The following DDX6 variants were observed in gnomAD, a reference collection of about 807,000 sequenced individuals.
DDX6 encodes the protein probable ATP-dependent RNA helicase DDX6.
A neutral mutation model predicts 60.6 loss-of-function variants in DDX6; 7 were observed. The ratio of observed to expected loss-of-function variants is 0.12; its 90% CI spans 0.07 to 0.22. The LOEUF (loss-of-function observed/expected upper bound fraction) is 0.22, where lower values mean the gene tolerates loss of function less well. DDX6 is among the 10% of genes least tolerant of loss of function. The pLI is 1.00. For missense variants in DDX6, 270 were observed against 589.9 expected, an observed-to-expected ratio of 0.46 and a Z score of 5.62; for synonymous variants, 207 against 201.0, an observed-to-expected ratio of 1.03 and a Z score of -0.25.
intron 4 of DDX6, among the ~76,000 whole-genome samples, chr11:118,775,132 T>C (rs1465204241): frequency 2.0e-5 from 3 of 152,032 alleles, no homozygotes; most frequent in Non-Finnish European, 2.9e-5. Context: ...CTGGACAACA[T>C]GGTGAAACCC....
chr11:118,763,838 T>TAAAAAAAAAAAAA (rs58341763), intron 6 of DDX6, among the ~76,000 whole-genome samples: 2 of 134,374 alleles, frequency 1.5e-5, no homozygotes, highest in Admixed American at 7.6e-5. Flanking sequence ...TGTCTCAAAT[T>TAAAAAAAAAAAAA]AAAAAAAAAA....
At chr11:118,775,740 T>G (rs988091900) in intron 4 of DDX6, among the ~76,000 whole-genome samples, 1 of 152,204 alleles carries the variant, frequency 6.6e-6, no homozygotes, top group Non-Finnish European at 1.5e-5. Flanking sequence ...AAGAGTTAAT[T>G]GCCTATATGC....
At chr11:118,775,160 C>G (rs1302978840) in intron 4 of DDX6, among the ~76,000 whole-genome samples, 1 of 152,034 alleles carries the variant, frequency 6.6e-6, no homozygotes, top group Non-Finnish European at 1.5e-5. Context: ...ACCAGAAATA[C>G]AAAAATCAGC....
Position 118,758,653 on chromosome 11 carries a change from C to T in DDX6, c.993+121G>A, listed in dbSNP as rs1399056506. On this transcript the variant is annotated intron_variant, in intron 9 of 13. Coordinates refer to ENST00000534980, the MANE Select transcript of DDX6 (RefSeq NM_004397.6). ...CCAAAGTGCTGGGAGGCATGAGCCA[C>T]CGTGCCAAGCCAGAAACACTACGAA... is the stretch of plus-strand genomic sequence containing the variant. 2.4e-6 allele frequency: 3 copies of T among 1,230,324 alleles called. No homozygotes were observed. The Admixed American group carries it at 8.2e-5, about 34-fold the overall frequency. The allele number at this position is 1,230,324 out of a possible 1,614,324, so 76.2% of individuals were successfully genotyped here.
chr11:118,756,029 C>CCCCCA (rs1491121650), intron 11 of DDX6, among the ~76,000 whole-genome samples: 3 of 94,986 alleles, frequency 3.2e-5, no homozygotes, highest in Non-Finnish European at 4.3e-5. Context: ...CCCCCCCCCC[C>CCCCCA]AAAAAAAAGA....
At chr11:118,754,014 C>T (rs1161354066) in intron 13 of DDX6, among the ~76,000 whole-genome samples, 7 of 152,122 alleles carry the variant, frequency 4.6e-5, no homozygotes, top group African/African-American at 1.7e-4. Flanking sequence ...ACCAGAATCG[C>T]TTGAACCTGG....
Position 118,749,011 on chromosome 11 carries a change from C to A in DDX6, c.*3094G>T, listed in dbSNP as rs781981494. The A allele has an allele frequency of 2.6e-5, 4 of 152,100 alleles. No homozygotes were observed. The highest frequency in any genetic ancestry group is 5.9e-5 in the Non-Finnish European group (4 of 68,018). The allele number at this position is 152,100 out of a possible 1,614,324, so 9.4% of individuals were successfully genotyped here. ...CAATTTAGAGGTATATTTAGGTTTC[C>A]CTCTCTCTTACTTCTGTGAAAGATC... On this transcript the variant is annotated 3_prime_UTR_variant, in exon 14 of 14. Transcript: ENST00000534980.
intron 4 of DDX6, among the ~76,000 whole-genome samples, chr11:118,772,971 A>G (rs1402501043): frequency 2.6e-5 from 4 of 152,196 alleles, no homozygotes; most frequent in Non-Finnish European, 5.9e-5. Flanking sequence ...TAGTGCATCC[A>G]TTACAGCTTC....
chr11:118,751,984 CTTT>C lies in DDX6; in HGVS notation c.*118_*120del, dbSNP rs3832783. 4,117 of 362,038 alleles carry C rather than the reference CTTT, an allele frequency of 0.011. 206 individuals carry two copies. In the East Asian group the frequency reaches 0.14, roughly 12 times the overall value. The allele number at this position is 362,038 out of a possible 1,614,324, so 22.4% of individuals were successfully genotyped here. A position where few individuals can be genotyped will look rare whatever the true frequency, so the allele number is the denominator to read the frequency against. ...GTTAAAAAAAGAAAATGTCTGAGCT[CTTT>C]TAAGTCTTCATAGTTCCAAAATAAA... is the stretch of plus-strand genomic sequence containing the variant. On this transcript the variant is annotated 3_prime_UTR_variant, in exon 14 of 14. Coordinates refer to ENST00000534980, the MANE Select transcript of DDX6 (RefSeq NM_004397.6).
chr11:118,774,830 A>G (rs984964954), intron 4 of DDX6, among the ~76,000 whole-genome samples: 14 of 152,124 alleles, frequency 9.2e-5, no homozygotes, highest in African/African-American at 1.9e-4. Context: ...TATTTAGGGG[A>G]AAAAAAATGC....
Position 118,768,332 on chromosome 11 carries a change from A to G in DDX6, c.390T>C (p.Ala130=), listed in dbSNP as rs1411503598. 2 of 1,612,564 alleles carry G rather than the reference A, an allele frequency of 1.2e-6. No homozygotes were observed. The highest frequency in any genetic ancestry group is 1.7e-6 in the Non-Finnish European group (2 of 1,179,864). The part of the protein sequence containing the change: ...SPIQEESIPI[A]LSGRDILARA... ...TAGCTAAGATATCCCTACCAGATAA[A>G]GCAATGGGAATGCTCTCCTCCTAAA... is the stretch of plus-strand genomic sequence containing the variant. Residue 130 remains alanine, a synonymous_variant, in exon 5 of 14, where the codon GCT becomes GCC. Coordinates refer to ENST00000534980, the MANE Select transcript of DDX6 (RefSeq NM_004397.6).
rs548955720 is a variant in DDX6 at position 118,761,424 on chromosome 11, C to G, written c.742-1380G>C. Among the ~76,000 whole-genome samples the G allele has an allele frequency of 5.8e-4, 88 of 152,226 alleles. 1 individual carries two copies. The highest frequency in any genetic ancestry group is 2.4e-3 in the Admixed American group (36 of 15,294). ...TTGAGGTCGGGAGTTTGAGACCAGC[C>G]TGACCAACATGGAGAAACCCTGTCT... On this transcript the variant is annotated intron_variant, in intron 7 of 13. Transcript: ENST00000534980.
At chr11:118,779,983 G>A (rs916926452) in intron 3 of DDX6, among the ~76,000 whole-genome samples, 5 of 151,724 alleles carry the variant, frequency 3.3e-5, no homozygotes, top group African/African-American at 1.2e-4. Context: ...CAGGGTGGTG[G>A]TGCACGCCTG....
intron 13 of DDX6, 94 bp from the exon 14 acceptor site, chr11:118,752,191 T>C: frequency 5.7e-6 from 1 of 174,582 alleles, no homozygotes; most frequent in South Asian, 1.1e-4. Flanking sequence ...TGCTCTTTTC[T>C]AGTAGTTTCT....
intron 2 of DDX6, among the ~76,000 whole-genome samples, chr11:118,783,635 C>T (rs1247159829): frequency 6.6e-6 from 1 of 151,250 alleles, no homozygotes; most frequent in Admixed American, 6.6e-5. Context: ...AATCTCATCT[C>T]TACTAAAAAT....
intron 4 of DDX6, among the ~76,000 whole-genome samples, chr11:118,773,433 G>A (rs537944746): frequency 1.3e-5 from 2 of 152,240 alleles, no homozygotes; most frequent in African/African-American, 4.8e-5. Context: ...TTAGCCGGGC[G>A]TGGTGGCAGG....
intron 4 of DDX6, among the ~76,000 whole-genome samples, chr11:118,776,182 C>T (rs1861693356): frequency 6.6e-6 from 1 of 152,182 alleles, no homozygotes; most frequent in African/African-American, 2.4e-5. Flanking sequence ...CCTAAATTAA[C>T]TAATTTCCTT....
chr11:118,773,916 TA>T (rs1412137374), intron 4 of DDX6, among the ~76,000 whole-genome samples: 10 of 150,866 alleles, frequency 6.6e-5, no homozygotes, highest in African/African-American at 2.2e-4. Flanking sequence ...TTTTAGGAAA[TA>T]TTTTTTTCAA....
chr11:118,790,819 C>T (rs1862251534), intron 1 of DDX6: 1 of 152,862 alleles, frequency 6.5e-6, no homozygotes, highest in South Asian at 2.1e-4. Flanking sequence ...CCCCACAGCC[C>T]CCAAAGCACC....
Sources: gnomAD v4.1 joint callset for allele counts (sites outside exome capture counted in the v4.1 genomes callset) on GRCh38, gnomAD v4.1.1 for gene constraint, MANE v1.5 for transcripts, NCBI Gene and HGNC (gene_info 2026-07-23, HGNC 2026-07-21) for gene names.